Variants in CEP128 observed in about 807,000 individuals in gnomAD.
CEP128 encodes centrosomal protein 128kDa.
A neutral mutation model predicts 156.7 loss-of-function variants in CEP128; 132 were observed. That is an observed-to-expected ratio of 0.84 (90% CI 0.73 to 0.97). The LOEUF (loss-of-function observed/expected upper bound fraction) is 0.97, where lower values mean the gene tolerates loss of function less well. CEP128 is among the 50% of genes least tolerant of loss of function. CEP128 has a pLI of 0.00. For synonymous variants in CEP128, 469 were observed against 448.9 expected, an observed-to-expected ratio of 1.04 and a Z score of -0.57; for missense variants, 1,252 against 1,281.9, an observed-to-expected ratio of 0.98 and a Z score of 0.36.
chr14:80,770,268 A>T (rs1339662679), intron 16 of CEP128, among the ~76,000 whole-genome samples: 2 of 152,258 alleles, frequency 1.3e-5, no homozygotes, highest in Admixed American at 1.3e-4. Flanking sequence ...TAGGAAAGTC[A>T]TTGCCAATTG....
rs397973196 is a variant in CEP128, at chr14:80,895,798, GA to G, written c.573-9del. On this transcript the variant is annotated splice_polypyrimidine_tract_variant and intron_variant, in intron 7 of 24. Transcript: ENST00000555265. Reference sequence around the variant, plus strand: ...TTTGTTTCGGCATCTGACCTAGGAAGAAAAAAAAAAAAAAGATTTAAATTTG... The same window carrying G: ...TTTGTTTCGGCATCTGACCTAGGAAGAAAAAAAAAAAAAGATTTAAATTTG... The G allele has an allele frequency of 0.049, 59,725 of 1,213,572 alleles. 1 individual carries two copies. The highest frequency in any genetic ancestry group is 0.11 in the East Asian group (3,335 of 30,798). 75.2% of individuals were successfully genotyped at this position (1,213,572 alleles called of 1,614,324 possible).
At chr14:80,770,235 C>A (rs4400984) in intron 16 of CEP128, among the ~76,000 whole-genome samples, 4,023 of 152,260 alleles carry the variant, frequency 0.026, 175 homozygotes, top group African/African-American at 0.092. Context: ...TTAAAATCAA[C>A]CTCTTTGATT....
intron 19 of CEP128, among the ~76,000 whole-genome samples, chr14:80,617,534 C>T (rs1392348054): frequency 2.0e-5 from 3 of 152,042 alleles, no homozygotes; most frequent in Non-Finnish European, 4.4e-5. Context: ...CGCGCCCGGC[C>T]GTGAATATCA....
downstream of CEP128, among the ~76,000 whole-genome samples, chr14:80,491,708 C>G (rs992277869): frequency 6.6e-6 from 1 of 152,186 alleles, no homozygotes; most frequent in African/African-American, 2.4e-5. Context: ...CAGACCCAAA[C>G]TGCTAGCCAG....
intron 8 of CEP128, among the ~76,000 whole-genome samples, chr14:80,865,687 T>G (rs1258329855): frequency 6.6e-6 from 1 of 152,126 alleles, no homozygotes; most frequent in Non-Finnish European, 1.5e-5. Context: ...GACTTCCAAT[T>G]TGCTAGCATC....
intron 19 of CEP128, among the ~76,000 whole-genome samples, chr14:80,613,007 A>ATTTTTTTTTTTTTTTTTT (rs66946967): frequency 1.7e-5 from 2 of 114,702 alleles, no homozygotes; most frequent in African/African-American, 6.5e-5. Context: ...CACCCGGCGA[A>ATTTTTTTTTTTTTTTTTT]TTTTTTTTTT....
At chr14:80,952,245 T>C (rs74871889) in intron 2 of CEP128, among the ~76,000 whole-genome samples, 2,300 of 152,190 alleles carry the variant, frequency 0.015, 42 homozygotes, top group Non-Finnish European at 0.022. Flanking sequence ...TTTACCAAGA[T>C]TGACCATATT....
chr14:80,850,220 C>T (rs57316907), intron 9 of CEP128, among the ~76,000 whole-genome samples: 196 of 152,140 alleles, frequency 1.3e-3, no homozygotes, highest in African/African-American at 4.5e-3. Flanking sequence ...AGGGTAACAC[C>T]GTTTCAAATT....
intron 8 of CEP128, among the ~76,000 whole-genome samples, chr14:80,871,258 T>G (rs1429355686): frequency 6.6e-6 from 1 of 152,134 alleles, no homozygotes; most frequent in Non-Finnish European, 1.5e-5. Flanking sequence ...ATAATTTGCC[T>G]GCAGTGAGAA....
chr14:80,897,779 A>G (rs1889414425), intron 7 of CEP128, among the ~76,000 whole-genome samples: 1 of 130,588 alleles, frequency 7.7e-6, no homozygotes, highest in Non-Finnish European at 1.8e-5. Flanking sequence ...CCCTCCTCAA[A>G]TCAATTTTTT....
At chr14:80,956,534 A>C (rs1886699305) in intron 2 of CEP128, among the ~76,000 whole-genome samples, 1 of 152,244 alleles carries the variant, frequency 6.6e-6, no homozygotes, top group South Asian at 2.1e-4. Context: ...GATTATACAC[A>C]CACAACCTGT....
At chr14:80,716,012 G>A (rs892389796) in intron 19 of CEP128, among the ~76,000 whole-genome samples, 1 of 152,172 alleles carries the variant, frequency 6.6e-6, no homozygotes, top group Non-Finnish European at 1.5e-5. Flanking sequence ...ATAACTGGAT[G>A]AATGTAAGAG....
At chr14:80,592,367 A>G (rs1209107822) in intron 19 of CEP128, among the ~76,000 whole-genome samples, 2 of 152,256 alleles carry the variant, frequency 1.3e-5, no homozygotes, top group African/African-American at 2.4e-5. Flanking sequence ...AGAGAATACT[A>G]TAAACACCTC....
In CEP128 at chr14:80,785,536, CT is replaced by C. The variant is rs1314427175; in HGVS notation, c.1569del (p.Glu524LysfsTer5). The stretch of plus-strand genomic sequence containing the variant: ...AGCTGGGTTTTCAATTCATCCTTTT[CT>C]TTTAAAATCTATCAGGTTAAGAACA... Reference protein sequence around the residue: ...ELTGKNNQILKEKDELKTQLY... With the variant: ...ELTGKNNQILXEKDELKTQLY... On this transcript the variant is annotated frameshift_variant, in exon 15 of 25. Coordinates refer to ENST00000555265, the MANE Select transcript of CEP128 (RefSeq NM_152446.5). LOFTEE classifies it high-confidence loss of function. The C allele has an allele frequency of 1.2e-6, 2 of 1,601,148 alleles. No individual in the cohort carries two copies. The highest frequency in any genetic ancestry group is 1.7e-6 in the Non-Finnish European group (2 of 1,174,630).
chr14:80,563,223 G>A (rs1021445949), intron 20 of CEP128, among the ~76,000 whole-genome samples: 4 of 151,710 alleles, frequency 2.6e-5, no homozygotes, highest in Admixed American at 6.6e-5. Context: ...CAACACACTC[G>A]CAGGGCTTAA....
At chr14:80,807,084 T>C (rs914226211) in intron 13 of CEP128, among the ~76,000 whole-genome samples, 18 of 151,472 alleles carry the variant, frequency 1.2e-4, no homozygotes, top group African/African-American at 4.3e-4. Flanking sequence ...TAATAATCTT[T>C]TTTTTTATTC....
chr14:80,830,812 T>C, intron 13 of CEP128: 1 of 215,114 alleles, frequency 4.6e-6, no homozygotes, highest in Non-Finnish European at 9.2e-6. Context: ...TTCACTGTTC[T>C]CTCAAACAAA....
intron 21 of CEP128, among the ~76,000 whole-genome samples, chr14:80,539,241 G>C (rs1368910472): frequency 6.6e-6 from 1 of 152,182 alleles, no homozygotes; most frequent in African/African-American, 2.4e-5. Context: ...GCAGGGTAAA[G>C]TGGTAGTGAG....
At chr14:80,912,152 G>C (rs1884266161) in intron 4 of CEP128, among the ~76,000 whole-genome samples, 1 of 151,914 alleles carries the variant, frequency 6.6e-6, no homozygotes, top group Non-Finnish European at 1.5e-5. Flanking sequence ...GGGAGGCGGA[G>C]GTTGCAGTGA....
Sources: gnomAD v4.1 joint callset for allele counts (sites outside exome capture counted in the v4.1 genomes callset) on GRCh38, gnomAD v4.1.1 for gene constraint, MANE v1.5 for transcripts, NCBI Gene and HGNC (gene_info 2026-07-23, HGNC 2026-07-21) for gene names.